Variants in SHANK2 observed in about 807,000 individuals in gnomAD.
SHANK2 encodes the protein SH3 and multiple ankyrin repeat domains protein 2.
SHANK2 carries 43 observed loss-of-function variants against 133.7 expected under a neutral mutation model. The observed-to-expected ratio is 0.32, with a 90% CI of 0.25 to 0.41. The LOEUF (loss-of-function observed/expected upper bound fraction) is 0.41. Among genes scored for constraint, SHANK2 ranks in the 10% least tolerant of loss-of-function variants. The pLI, the probability that SHANK2 is intolerant of heterozygous loss-of-function variation, is 1.00. For missense variants in SHANK2, 1,994 were observed against 2,235.8 expected (o/e 0.89, Z 2.18); for synonymous variants, 1,017 against 952.8 (o/e 1.07, Z -1.24).
At chr11:70,567,845 G>A (rs1407301474) in intron 17 of SHANK2, among the ~76,000 whole-genome samples, 1 of 152,128 alleles carries the variant, frequency 6.6e-6, no homozygotes, top group Non-Finnish European at 1.5e-5. Flanking sequence ...GGGGCAGCCC[G>A]AACTAAGACA....
rs553237360 is a variant in SHANK2 at position 70,619,848 on chromosome 11, C to T, written c.2061+39980G>A. Among the ~76,000 whole-genome samples, 26 of 152,256 alleles carry T rather than the reference C, an allele frequency of 1.7e-4. No homozygotes were observed. The South Asian group carries it at 2.5e-3, about 15-fold the overall frequency. ...GGCCCTTGGATGCTGGAGGGTGAGACGCTGCCCAGTGTGAAATCTACCTCT... is the reference window on the plus strand; with the variant it reads ...GGCCCTTGGATGCTGGAGGGTGAGATGCTGCCCAGTGTGAAATCTACCTCT... On this transcript the variant is annotated intron_variant, in intron 17 of 25. Coordinates refer to ENST00000601538, the MANE Select transcript of SHANK2 (RefSeq NM_012309.5).
At chr11:71,249,253 T>G (rs1041908928) in intron 1 of SHANK2, among the ~76,000 whole-genome samples, 8 of 152,198 alleles carry the variant, frequency 5.3e-5, no homozygotes, top group Admixed American at 5.2e-4. Flanking sequence ...CGCCTTTGTC[T>G]GGAGCGATCC....
At chr11:70,903,391 T>TAAATAAAATAAAATAAAATA (rs61298155) in intron 10 of SHANK2, among the ~76,000 whole-genome samples, 4,111 of 125,808 alleles carry the variant, frequency 0.033, 109 homozygotes, top group Non-Finnish European at 0.038. Context: ...TAAAATAAAG[T>TAAATAAAATAAAATAAAATA]AAATAAAATA....
At chr11:70,605,363 G>A (rs1034156982) in intron 17 of SHANK2, among the ~76,000 whole-genome samples, 1 of 152,342 alleles carries the variant, frequency 6.6e-6, no homozygotes, top group South Asian at 2.1e-4. Context: ...AAGCGGGTGA[G>A]CCCGCGACAG....
intron 9 of SHANK2, among the ~76,000 whole-genome samples, chr11:71,057,377 A>C (rs889966406): frequency 5.3e-5 from 8 of 152,066 alleles, no homozygotes; most frequent in Non-Finnish European, 1.0e-4. Flanking sequence ...AACCCCCAAT[A>C]ATATTGTTTA....
intron 2 of SHANK2, among the ~76,000 whole-genome samples, chr11:71,210,200 A>C: frequency 7.9e-6 from 1 of 125,994 alleles, no homozygotes; most frequent in Admixed American, 8.5e-5. Flanking sequence ...TCTTCATTGG[A>C]AATCCACAGG....
intron 17 of SHANK2, among the ~76,000 whole-genome samples, chr11:70,556,242 A>G (rs2059827342): frequency 6.6e-6 from 1 of 152,186 alleles, no homozygotes; most frequent in African/African-American, 2.4e-5. Context: ...ATTGCTGAAT[A>G]CTTTTCCATT....
intron 15 of SHANK2, among the ~76,000 whole-genome samples, chr11:70,692,949 GT>G (rs1945320791): frequency 6.6e-6 from 1 of 152,214 alleles, no homozygotes; most frequent in African/African-American, 2.4e-5. Flanking sequence ...TAATGGACAT[GT>G]TCCTTTTGAG....
chr11:70,728,384 T>C (rs956120693), intron 14 of SHANK2, among the ~76,000 whole-genome samples: 4 of 152,114 alleles, frequency 2.6e-5, no homozygotes, highest in African/African-American at 9.7e-5. Flanking sequence ...TCACACTCGG[T>C]TTACTTGGTA....
chr11:70,931,337 T>C (rs1287627245), intron 10 of SHANK2, among the ~76,000 whole-genome samples: 1 of 152,234 alleles, frequency 6.6e-6, no homozygotes, highest in Non-Finnish European at 1.5e-5. Flanking sequence ...CTATACACGT[T>C]AGACGGGTAA....
Position 70,486,338 on chromosome 11 carries a change from C to A in SHANK2, c.3955G>T (p.Val1319Leu). Residue 1319 changes from valine to leucine, a missense_variant, in exon 25 of 26, where the codon GTG (valine) becomes TTG (leucine). By Grantham distance (32) the Val-to-Leu change is conservative. Transcript: ENST00000601538. This position sits in a 1 kb window ranked among gnomAD's most constrained non-coding sequence, Gnocchi z 8.0. ...KSAGLLMVHTVDATKLDNALQ... is the reference protein window; with the variant it reads ...KSAGLLMVHTLDATKLDNALQ... ...GCGTTGTCCAGCTTAGTGGCGTCCA[C>A]GGTGTGCACCATCAGCAGGCCAGCC... 3 of 1,613,892 alleles carry A rather than the reference C, an allele frequency of 1.9e-6. No homozygotes were observed. Among genetic ancestry groups the A allele is most frequent in the Non-Finnish European group, 2.5e-6 (3 of 1,180,032 alleles).
intron 10 of SHANK2, among the ~76,000 whole-genome samples, chr11:70,927,440 C>T (rs781890509): frequency 1.3e-5 from 2 of 152,034 alleles, no homozygotes; most frequent in Non-Finnish European, 2.9e-5. Context: ...TTCTATGTGA[C>T]CAGCGAATCT....
rs116782084 is a variant in SHANK2 at position 70,829,829 on chromosome 11, G to A, written c.1175-9147C>T. Among the ~76,000 whole-genome samples the A allele has an allele frequency of 7.9e-3, 1,210 of 152,294 alleles. 18 individuals are homozygous for A. Among genetic ancestry groups the A allele is most frequent in the African/African-American group, 0.027 (1,120 of 41,556 alleles). Reference sequence around the variant, plus strand: ...TCATGCACACACCTACTGAGTGCCCGGTCCTGGGCCAGGCTCTGCCACACG... The same window carrying A: ...TCATGCACACACCTACTGAGTGCCCAGTCCTGGGCCAGGCTCTGCCACACG... On this transcript the variant is annotated intron_variant, in intron 11 of 25. Coordinates refer to ENST00000601538, the MANE Select transcript of SHANK2 (RefSeq NM_012309.5).
intron 3 of SHANK2, among the ~76,000 whole-genome samples, chr11:71,129,726 G>A (rs1241314893): frequency 6.6e-6 from 1 of 152,180 alleles, no homozygotes; most frequent in Non-Finnish European, 1.5e-5. Context: ...ATTCTGCAAG[G>A]TGAGAGGCTA....
intron 15 of SHANK2, among the ~76,000 whole-genome samples, chr11:70,688,842 C>A (rs972648204): frequency 6.6e-6 from 1 of 152,190 alleles, no homozygotes; most frequent in South Asian, 2.1e-4. Flanking sequence ...TGTCTCCCCA[C>A]CACAGCTCTA....
intron 2 of SHANK2, among the ~76,000 whole-genome samples, chr11:71,219,875 G>T (rs1555120731): frequency 6.6e-6 from 1 of 151,366 alleles, no homozygotes; most frequent in African/African-American, 2.4e-5. Flanking sequence ...TCCAGCCTGG[G>T]CAACAGAGCG....
intron 17 of SHANK2, among the ~76,000 whole-genome samples, chr11:70,656,579 G>C (rs907555897): frequency 2.0e-5 from 3 of 152,096 alleles, no homozygotes; most frequent in African/African-American, 4.8e-5. Context: ...GGACGGCTTA[G>C]TGTCACTGTC....
At chr11:70,888,740 C>T (rs1419600177) in intron 11 of SHANK2, among the ~76,000 whole-genome samples, 1 of 152,074 alleles carries the variant, frequency 6.6e-6, no homozygotes, top group South Asian at 2.1e-4. Flanking sequence ...TCGCTTGAAC[C>T]TGGGAGGTGG....
At chr11:70,621,939 G>C (rs571699277) in intron 17 of SHANK2, among the ~76,000 whole-genome samples, 1 of 152,260 alleles carries the variant, frequency 6.6e-6, no homozygotes, top group South Asian at 2.1e-4. Context: ...CCACACAGGA[G>C]GGGTGAGGGC....
Sources: gnomAD v4.1 joint callset for allele counts (sites outside exome capture counted in the v4.1 genomes callset) on GRCh38, gnomAD v4.1.1 for gene constraint, Gnocchi (gnomAD v3.1) non-coding constraint, MANE v1.5 for transcripts, NCBI Gene and HGNC (gene_info 2026-07-23, HGNC 2026-07-21) for gene names.